SPMIP8: variants seen among roughly 807,000 people sequenced by gnomAD.
SPMIP8 encodes the protein sperm microtubule inner protein 8.
the SPMIP8 span, among the ~76,000 whole-genome samples, chr16:57,981,431 T>TATTATTATAATA: frequency 1.1e-3 from 152 of 133,126 alleles, no homozygotes; most frequent in African/African-American, 2.8e-3. Context: ...TTATTATTAT[T>TATTATTATAATA]ATAATTTGGT....
the SPMIP8 span, among the ~76,000 whole-genome samples, chr16:57,982,328 G>C: frequency 9.2e-5 from 14 of 152,264 alleles, no homozygotes; most frequent in African/African-American, 3.4e-4. Flanking sequence ...ATTCAATCTA[G>C]GATTACGTAT....
At chr16:57,982,141 C>G in the SPMIP8 span, among the ~76,000 whole-genome samples, 1 of 152,146 alleles carries the variant, frequency 6.6e-6, no homozygotes, top group South Asian at 2.1e-4. Context: ...TCTTGGACAC[C>G]CTTTAGCAAG....
chr16:57,985,843 C>A, the SPMIP8 span: 1 of 1,546,844 alleles, frequency 6.5e-7, no homozygotes, highest in South Asian at 1.2e-5. Flanking sequence ...CTCCCGAGGT[C>A]GAGTGAGGCG....
the SPMIP8 span, chr16:57,984,683 A>G: frequency 6.3e-7 from 1 of 1,596,186 alleles, no homozygotes; most frequent in South Asian, 1.1e-5. Flanking sequence ...ACCACGAGGG[A>G]AAGCTGGCGC....
At chr16:57,984,288 C>T in the SPMIP8 span, 5 of 1,613,902 alleles carry the variant, frequency 3.1e-6, no homozygotes, top group South Asian at 1.1e-5. Flanking sequence ...TTCTCCCTTT[C>T]TCTTGTTTCA....
chr16:57,978,312 G>A, the SPMIP8 span, among the ~76,000 whole-genome samples: 2 of 152,290 alleles, frequency 1.3e-5, no homozygotes, highest in Admixed American at 1.3e-4. Flanking sequence ...GGCCAAGGCA[G>A]GCTGATAACC....
the SPMIP8 span, among the ~76,000 whole-genome samples, chr16:57,978,548 A>T: frequency 6.6e-6 from 1 of 152,048 alleles, no homozygotes; most frequent in African/African-American, 2.4e-5. Flanking sequence ...CTCAAAAAAA[A>T]AAGCACTTAG....
the SPMIP8 span, among the ~76,000 whole-genome samples, chr16:57,983,918 T>A: frequency 4.1e-5 from 6 of 145,610 alleles, no homozygotes; most frequent in African/African-American, 1.3e-4. Context: ...CAGCCTTTTT[T>A]TTCTTTTTTT....
chr16:57,985,075 T>C, the SPMIP8 span: 1 of 1,155,252 alleles, frequency 8.7e-7, no homozygotes, highest in South Asian at 1.6e-5. Context: ...AGGCGGGACC[T>C]GTTCTCCGTA....
At chr16:57,977,920 C>T in the SPMIP8 span, 68 of 1,613,996 alleles carry the variant, frequency 4.2e-5, no homozygotes, top group African/African-American at 5.3e-5. Context: ...AACCAGCTGG[C>T]GGGCGTGAAG....
chr16:57,982,220 A>G, the SPMIP8 span, among the ~76,000 whole-genome samples: 1 of 152,184 alleles, frequency 6.6e-6, no homozygotes, highest in Non-Finnish European at 1.5e-5. Flanking sequence ...AAAGCTAACA[A>G]TACTTCTACA....
chr16:57,981,844 G>A, the SPMIP8 span, among the ~76,000 whole-genome samples: 40 of 152,020 alleles, frequency 2.6e-4, no homozygotes, highest in African/African-American at 9.7e-4. Context: ...GTCATTTATT[G>A]TGTCTAAACC....
chr16:57,982,957 G>A, the SPMIP8 span, among the ~76,000 whole-genome samples: 47,509 of 151,996 alleles, frequency 0.31, 9,105 homozygotes, highest in African/African-American at 0.55. Context: ...TTGAACCTGG[G>A]TGGCGGAGGT....
the SPMIP8 span, among the ~76,000 whole-genome samples, chr16:57,983,590 C>T: frequency 2.9e-3 from 440 of 151,786 alleles, 5 homozygotes; most frequent in African/African-American, 0.01. Context: ...ACTATTTTAT[C>T]TTAGATTTTT....
At chr16:57,981,410 A>ATTATTATT in the SPMIP8 span, among the ~76,000 whole-genome samples, 1 of 57,768 alleles carries the variant, frequency 1.7e-5, no homozygotes, top group Non-Finnish European at 6.2e-5. Context: ...TTATTATAAT[A>ATTATTATT]ATAATTATTA....
chr16:57,985,104 GATT>G, the SPMIP8 span: 1 of 1,229,606 alleles, frequency 8.1e-7, no homozygotes, highest in Non-Finnish European at 1.1e-6. Context: ...GGTGGGGCTG[GATT>G]GTGGGCGGGG....
chr16:57,978,031 G>A, the SPMIP8 span: 8 of 1,613,554 alleles, frequency 5.0e-6, no homozygotes, highest in Non-Finnish European at 6.8e-6. Context: ...ACCACCTACT[G>A]CCGCAAAGGT....
At chr16:57,977,255 C>T in the SPMIP8 span, among the ~76,000 whole-genome samples, 3 of 151,766 alleles carry the variant, frequency 2.0e-5, no homozygotes, top group Admixed American at 6.6e-5. Flanking sequence ...ACTAAAAATA[C>T]AAAAACTAGT....
At chr16:57,986,028 A>AC in the SPMIP8 span, 4 of 1,473,144 alleles carry the variant, frequency 2.7e-6, no homozygotes, top group Non-Finnish European at 2.7e-6. Flanking sequence ...TGACTCTGAA[A>AC]CCCCCCTGCC....
Sources: gnomAD v4.1 joint callset for allele counts (sites outside exome capture counted in the v4.1 genomes callset) on GRCh38, gnomAD v4.1.1 for gene constraint, MANE v1.5 for transcripts, NCBI Gene and HGNC (gene_info 2026-07-23, HGNC 2026-07-21) for gene names.